Variants in CNTN4 observed in about 807,000 individuals in gnomAD.
CNTN4 encodes contactin 4.
CNTN4 carries 77 observed loss-of-function variants against 122.5 expected under a neutral mutation model. That is an observed-to-expected ratio of 0.63 (90% CI 0.52 to 0.76). The LOEUF (loss-of-function observed/expected upper bound fraction) is 0.76, where lower values mean the gene tolerates loss of function less well. Ranked by LOEUF, CNTN4 falls within the 30% of genes least tolerant of loss-of-function variation. CNTN4 has a pLI of 0.00. For missense variants in CNTN4, 1,256 were observed against 1,259.1 expected, an observed-to-expected ratio of 1.00 and a Z score of 0.04; for synonymous variants, 512 against 447.0, an observed-to-expected ratio of 1.15 and a Z score of -1.83.
intron 4 of CNTN4, among the ~76,000 whole-genome samples, chr3:2,665,693 G>T (rs1056130067): frequency 1.3e-5 from 2 of 152,136 alleles, no homozygotes; most frequent in African/African-American, 4.8e-5. Context: ...TCTCAGGAGA[G>T]AATATAAGGG....
At chr3:2,991,806 G>C (rs930637584) in intron 14 of CNTN4, among the ~76,000 whole-genome samples, 20 of 152,098 alleles carry the variant, frequency 1.3e-4, no homozygotes, top group African/African-American at 4.3e-4. Context: ...TAACAGCTTA[G>C]CCCGAAATAT....
intron 3 of CNTN4, among the ~76,000 whole-genome samples, chr3:2,561,497 G>A (rs1363472157): frequency 1.3e-5 from 2 of 152,066 alleles, no homozygotes; most frequent in Non-Finnish European, 2.9e-5. Context: ...AAGGGGTCAT[G>A]GATTTCCCCC....
intron 2 of CNTN4, among the ~76,000 whole-genome samples, chr3:2,151,108 A>G (rs1049200356): frequency 5.3e-5 from 8 of 152,122 alleles, no homozygotes. Flanking sequence ...TATTTTTAGT[A>G]GAGATGGGGT....
At chr3:2,556,483 C>A (rs1023572441) in intron 3 of CNTN4, among the ~76,000 whole-genome samples, 1 of 152,124 alleles carries the variant, frequency 6.6e-6, no homozygotes, top group African/African-American at 2.4e-5. Context: ...GTCTGACACA[C>A]TGAAGCACTT....
intron 2 of CNTN4, among the ~76,000 whole-genome samples, chr3:2,120,488 C>T (rs62244626): frequency 0.21 from 31,021 of 146,398 alleles, 4,128 homozygotes; most frequent in Admixed American, 0.32. Flanking sequence ...ACTGCGAGCT[C>T]GCTTCCTGGG....
intron 2 of CNTN4, among the ~76,000 whole-genome samples, chr3:2,291,814 A>G (rs1044560244): frequency 6.6e-5 from 10 of 151,942 alleles, no homozygotes; most frequent in African/African-American, 2.2e-4. Context: ...GCTCACTGCA[A>G]CCTCCGCCTC....
chr3:2,866,651 A>T (rs6442761), intron 7 of CNTN4, 101 bp from the exon 8 acceptor site: 4 of 1,269,108 alleles, frequency 3.2e-6, no homozygotes, highest in Admixed American at 1.7e-5. Context: ...GAGTCATTGG[A>T]CAACAATGTA....
chr3:2,873,064 T>C (rs1327215559), intron 8 of CNTN4, among the ~76,000 whole-genome samples: 1 of 152,140 alleles, frequency 6.6e-6, no homozygotes, highest in East Asian at 1.9e-4. Context: ...TCCTTCAGTT[T>C]CACAACTTTT....
chr3:2,518,125 AT>A (rs1483820310), intron 3 of CNTN4, among the ~76,000 whole-genome samples: 1 of 145,156 alleles, frequency 6.9e-6, no homozygotes, highest in African/African-American at 2.7e-5. Flanking sequence ...ATGTGAGTAC[AT>A]TTAAGAGATG....
chr3:3,030,894 C>G lies in CNTN4; in HGVS notation c.1702C>G (p.Leu568Val). Residue 568 changes from leucine (L) to valine (V), a missense_variant, in exon 16 of 25, where the codon CTG becomes GTG. Transcript: ENST00000418658. ...AGDLMIRNIQLKHAGKYVCMV... is the reference protein window; with the variant it reads ...AGDLMIRNIQVKHAGKYVCMV... ...TGATTTGATGATCCGAAACATCCAACTGAAGCATGCTGGGAAATATGTCTG... is the reference window on the plus strand; with the variant it reads ...TGATTTGATGATCCGAAACATCCAAGTGAAGCATGCTGGGAAATATGTCTG... The G allele has an allele frequency of 6.2e-7, 1 of 1,614,074 alleles. No homozygotes were observed. The highest frequency in any genetic ancestry group is 1.1e-5 in the South Asian group (1 of 91,082).
At chr3:2,963,612 A>AT (rs1243093748) in intron 13 of CNTN4, among the ~76,000 whole-genome samples, 1 of 152,164 alleles carries the variant, frequency 6.6e-6, no homozygotes, top group Non-Finnish European at 1.5e-5. Flanking sequence ...ATCTTAGCTC[A>AT]AGTAATACAA....
At chr3:2,577,257 G>C (rs1466398542) in intron 4 of CNTN4, among the ~76,000 whole-genome samples, 1 of 152,140 alleles carries the variant, frequency 6.6e-6, no homozygotes, top group African/African-American at 2.4e-5. Context: ...CTTAGTTTTG[G>C]TCATGTCAGT....
intron 6 of CNTN4, among the ~76,000 whole-genome samples, chr3:2,751,797 T>G (rs181897574): frequency 0.011 from 1,723 of 152,112 alleles, 25 homozygotes; most frequent in Middle Eastern, 0.014. Context: ...TTTAAAAAAA[T>G]AAATTTCAGT....
At chr3:2,184,634 A>T (rs1409353664) in intron 2 of CNTN4, among the ~76,000 whole-genome samples, 1 of 152,104 alleles carries the variant, frequency 6.6e-6, no homozygotes, top group Non-Finnish European at 1.5e-5. Context: ...GGCCCTTAGG[A>T]GGTGATAAAG....
chr3:3,051,449 A>G (rs1442178468), intron 23 of CNTN4, among the ~76,000 whole-genome samples: 1 of 152,192 alleles, frequency 6.6e-6, no homozygotes, highest in Non-Finnish European at 1.5e-5. Flanking sequence ...TTTTGGATTT[A>G]TATTTGAAAC....
rs534635009 is a variant in CNTN4 at position 3,033,140 on chromosome 3, A to C, written c.1784-1492A>C. 3.3e-5 allele frequency among the ~76,000 whole-genome samples: 5 copies of C among 152,316 alleles called. No individual in the cohort carries two copies. In the South Asian group the frequency reaches 1.0e-3, roughly 32 times the overall value. ...TTTAAAGGACATCAGTGCAGCATCCATTAAAAAAAATGGTGGGGAATGCTA... is the reference window on the plus strand; with the variant it reads ...TTTAAAGGACATCAGTGCAGCATCCCTTAAAAAAAATGGTGGGGAATGCTA... On this transcript the variant is annotated intron_variant, in intron 16 of 24. Transcript: ENST00000418658.
At chr3:2,147,817 C>G (rs539510198) in intron 2 of CNTN4, among the ~76,000 whole-genome samples, 11 of 152,306 alleles carry the variant, frequency 7.2e-5, no homozygotes, top group African/African-American at 2.4e-4. Flanking sequence ...GATGGCCTGT[C>G]TTTTTCCAAA....
At chr3:2,333,118 A>G (rs2043804483) in intron 2 of CNTN4, among the ~76,000 whole-genome samples, 1 of 152,100 alleles carries the variant, frequency 6.6e-6, no homozygotes. Context: ...CAGAATCTCA[A>G]GTTTCTGGCC....
intron 2 of CNTN4, among the ~76,000 whole-genome samples, chr3:2,243,752 A>G (rs952440838): frequency 6.6e-6 from 1 of 152,050 alleles, no homozygotes; most frequent in Non-Finnish European, 1.5e-5. Flanking sequence ...TTCTACATGC[A>G]TTATCCTTGA....
Sources: gnomAD v4.1 joint callset for allele counts (sites outside exome capture counted in the v4.1 genomes callset) on GRCh38, gnomAD v4.1.1 for gene constraint, MANE v1.5 for transcripts, NCBI Gene and HGNC (gene_info 2026-07-23, HGNC 2026-07-21) for gene names.